The following PPP4R2 variants were observed in gnomAD, a reference collection of about 807,000 sequenced individuals.
PPP4R2 encodes protein phosphatase 4 regulatory subunit 2, also known as serine/threonine-protein phosphatase 4 regulatory subunit 2.
Under a neutral mutation model 47.2 loss-of-function variants are expected in PPP4R2, and 13 were observed. That is an observed-to-expected ratio of 0.28 (90% CI 0.18 to 0.44). PPP4R2 has a LOEUF of 0.44. PPP4R2 is among the 20% of genes least tolerant of loss of function. The pLI is 1.00. For synonymous variants in PPP4R2, 151 were observed against 163.3 expected (o/e 0.92, Z 0.57); for missense variants, 421 against 491.2 (o/e 0.86, Z 1.35).
chr3:73,064,475 G>T (rs1389530487), intron 7 of PPP4R2, among the ~76,000 whole-genome samples: 3 of 152,076 alleles, frequency 2.0e-5, no homozygotes, highest in Non-Finnish European at 4.4e-5. Context: ...GTTTCTCATT[G>T]TAGTTCATAA....
chr3:73,020,264 T>G (rs904858799), intron 2 of PPP4R2, among the ~76,000 whole-genome samples: 1 of 152,086 alleles, frequency 6.6e-6, no homozygotes. Flanking sequence ...GGTGGGACAA[T>G]AGCTCACTGT....
chr3:72,999,824 G>T (rs1352989602), intron 2 of PPP4R2, among the ~76,000 whole-genome samples: 1 of 152,156 alleles, frequency 6.6e-6, no homozygotes, highest in Non-Finnish European at 1.5e-5. Flanking sequence ...GGTGTAGTTA[G>T]ATTCTTATAT....
intron 4 of PPP4R2, among the ~76,000 whole-genome samples, chr3:73,060,498 C>T (rs930595620): frequency 2.0e-4 from 30 of 152,166 alleles, no homozygotes; most frequent in African/African-American, 7.2e-4. Flanking sequence ...AAATGCAAAA[C>T]ACTTACTGTG....
chr3:73,030,277 T>G (rs192353136), intron 2 of PPP4R2, among the ~76,000 whole-genome samples: 1 of 152,342 alleles, frequency 6.6e-6, no homozygotes, highest in Admixed American at 6.5e-5. Flanking sequence ...GACCAGAGCA[T>G]GGATAGTTCC....
chr3:73,028,836 T>G (rs1389845017), intron 2 of PPP4R2, among the ~76,000 whole-genome samples: 1 of 151,924 alleles, frequency 6.6e-6, no homozygotes. Flanking sequence ...GTGGCTGAAG[T>G]AGACTGATCA....
At chr3:72,997,195 C>G in intron 1 of PPP4R2, 124 bp downstream of exon 1, 1 of 681,716 alleles carries the variant, frequency 1.5e-6, no homozygotes, top group African/African-American at 1.9e-5. Context: ...TTCCCGGGCT[C>G]CCATCCCCCT....
At chr3:73,053,025 G>C (rs1256795755) in intron 3 of PPP4R2, among the ~76,000 whole-genome samples, 3 of 152,212 alleles carry the variant, frequency 2.0e-5, no homozygotes, top group Non-Finnish European at 1.5e-5. Flanking sequence ...GTTAGCTCCA[G>C]ATGATTCAGG....
intron 2 of PPP4R2, among the ~76,000 whole-genome samples, chr3:73,034,846 T>TAAAA (rs57719588): frequency 1.4e-3 from 209 of 147,282 alleles, no homozygotes; most frequent in African/African-American, 4.8e-3. Context: ...GTTTTGTTCT[T>TAAAA]AAAAAAAAAA....
At chr3:73,026,448 G>T (rs1216673494) in intron 2 of PPP4R2, among the ~76,000 whole-genome samples, 2 of 152,064 alleles carry the variant, frequency 1.3e-5, no homozygotes, top group African/African-American at 2.4e-5. Flanking sequence ...ATGTGACTCA[G>T]CCCACTTCTA....
intron 3 of PPP4R2, among the ~76,000 whole-genome samples, chr3:73,053,627 T>A (rs1702666097): frequency 6.6e-6 from 1 of 151,996 alleles, no homozygotes; most frequent in Non-Finnish European, 1.5e-5. Flanking sequence ...GAGGCGAAAT[T>A]AGCTGGGCGT....
At chr3:73,018,521 A>G (rs1479762600) in intron 2 of PPP4R2, among the ~76,000 whole-genome samples, 1 of 123,672 alleles carries the variant, frequency 8.1e-6, no homozygotes, top group Non-Finnish European at 1.8e-5. Flanking sequence ...TGATGTGTCC[A>G]TGGCTCATGG....
intron 2 of PPP4R2, among the ~76,000 whole-genome samples, chr3:73,024,473 T>C (rs962526755): frequency 3.3e-5 from 5 of 152,168 alleles, no homozygotes; most frequent in Admixed American, 6.6e-5. Context: ...TTGGTGGATC[T>C]TAAGGTGTTG....
chr3:73,045,291 C>A (rs965328129), intron 2 of PPP4R2, among the ~76,000 whole-genome samples: 1 of 152,168 alleles, frequency 6.6e-6, no homozygotes, highest in African/African-American at 2.4e-5. Flanking sequence ...GCGTGAGCCA[C>A]CACACCTGGC....
chr3:73,025,421 T>C (rs1702044454), intron 2 of PPP4R2, among the ~76,000 whole-genome samples: 1 of 152,210 alleles, frequency 6.6e-6, no homozygotes, highest in African/African-American at 2.4e-5. Flanking sequence ...GAAATGCTTA[T>C]ATTTCTTGAT....
intron 2 of PPP4R2, among the ~76,000 whole-genome samples, chr3:73,026,016 A>G (rs1195822127): frequency 6.6e-6 from 1 of 152,178 alleles, no homozygotes; most frequent in East Asian, 1.9e-4. Flanking sequence ...AGGTTTCCTA[A>G]CTTGATTTTG....
intron 2 of PPP4R2, among the ~76,000 whole-genome samples, chr3:73,011,160 A>C (rs1395133488): frequency 6.6e-6 from 1 of 152,196 alleles, no homozygotes; most frequent in African/African-American, 2.4e-5. Context: ...ACAGTGCCAG[A>C]ATCTTTTCAA....
Position 73,065,400 on chromosome 3 carries a change from C to T in PPP4R2, c.932C>T (p.Ser311Phe). The change falls in exon 9 of 9, where the codon TCT becomes TTT. Residue 311 changes from serine to phenylalanine, a missense_variant. Around this residue, in one of 2 missense-constraint regions of PPP4R2, gnomAD observed 317 missense variants for 287.5 expected, o/e 1.10. Coordinates refer to ENST00000356692, the MANE Select transcript of PPP4R2 (RefSeq NM_174907.4). ...AACAACATTTGCTTATTTTTAGAGT[C>T]TTTTATGACATCAAGAGAAATGATC... ...EEEDEEEEEE[S>F]FMTSREMIPE... is the part of the protein sequence containing the mutation. 5 of 1,588,482 alleles carry T rather than the reference C, an allele frequency of 3.1e-6. No individual in the cohort carries two copies. Among genetic ancestry groups the T allele is most frequent in the Non-Finnish European group, 4.3e-6 (5 of 1,169,160 alleles).
At chr3:73,015,707 G>A (rs1219770474) in intron 2 of PPP4R2, 3 of 308,558 alleles carry the variant, frequency 9.7e-6, no homozygotes, top group East Asian at 1.4e-4. Flanking sequence ...GCGCCATCTC[G>A]GCTCACTGCA....
At position 73,063,762 on chromosome 3, in the gene PPP4R2, T is replaced by A; in HGVS notation, c.494+15T>A. 1 of 1,467,782 alleles carries A rather than the reference T, an allele frequency of 6.8e-7. No homozygotes were observed. The highest frequency in any genetic ancestry group is 9.4e-7 in the Non-Finnish European group (1 of 1,067,900). 90.9% of individuals were successfully genotyped at this position (1,467,782 alleles called of 1,614,324 possible). ...TATACTGAGAGGTGAGATTCTAGAT[T>A]TTTAATACCTACAGAGTTTGCATTG... is the stretch of plus-strand genomic sequence containing the variant. On this transcript the variant is annotated intron_variant, in intron 6 of 8. Coordinates refer to ENST00000356692, the MANE Select transcript of PPP4R2 (RefSeq NM_174907.4).
Sources: allele counts gnomAD v4.1 joint callset (sites outside exome capture counted in the v4.1 genomes callset), GRCh38; gene constraint gnomAD v4.1.1; regional missense constraint gnomAD v4.1.1; transcripts MANE v1.5; gene names NCBI Gene and HGNC (gene_info 2026-07-23, HGNC 2026-07-21).